The following UBOX5 variants were observed in gnomAD, a reference collection of about 807,000 sequenced individuals.
UBOX5 encodes the protein U-box domain containing 5.
Under a neutral mutation model 39.0 loss-of-function variants are expected in UBOX5, and 28 were observed. The ratio of observed to expected loss-of-function variants is 0.72; its 90% confidence interval spans 0.53 to 0.98. The LOEUF is 0.98. Among genes scored for constraint, UBOX5 ranks in the 50% least tolerant of loss-of-function variants. UBOX5 has a pLI of 0.00. For missense variants in UBOX5, 585 were observed against 674.4 expected (o/e 0.87, Z 1.47); for synonymous variants, 283 against 275.5 (o/e 1.03, Z -0.27).
At chr20:3,153,755 G>A (rs1340905691) in intron 1 of UBOX5, among the ~76,000 whole-genome samples, 1 of 152,156 alleles carries the variant, frequency 6.6e-6, no homozygotes, top group East Asian at 1.9e-4. Flanking sequence ...TGCAAGTTGA[G>A]TATCCCTTGT....
rs189267587 is a variant in UBOX5, at chr20:3,142,683, G to T, written c.-42+17083C>A. On this transcript the variant is annotated intron_variant, in intron 1 of 4. Coordinates refer to ENST00000217173, the MANE Select transcript of UBOX5 (RefSeq NM_014948.4). ...AGCTACTTGGGTGGCTGAGGCACGAGAATCGCTTGTACCTGGGTGGCAGAA... is the reference window on the plus strand; with the variant it reads ...AGCTACTTGGGTGGCTGAGGCACGATAATCGCTTGTACCTGGGTGGCAGAA... Among the ~76,000 whole-genome samples, 49 of 141,720 alleles carry T rather than the reference G, an allele frequency of 3.5e-4. No homozygotes were observed. The Middle Eastern group carries it at 0.026, about 76-fold the overall frequency. The allele number at this position is 141,720 out of a possible 152,430, so 93.0% of individuals were successfully genotyped here.
Position 3,110,233 on chromosome 20 carries a change from T to A in UBOX5, c.1499A>T (p.Tyr500Phe). 1 of 1,614,072 alleles carries A rather than the reference T, an allele frequency of 6.2e-7. No homozygotes were observed. Among genetic ancestry groups the A allele is most frequent in the African/African-American group, 1.3e-5 (1 of 75,060 alleles). ...FSPYFKKEPV[Y>F]QLPCGHLLCR... Reference sequence around the variant, plus strand: ...CAGGAGGTGGCCGCAGGGCAGCTGGTACACCGGCTCCTTTTTGAAGTAGGG... The same window carrying A: ...CAGGAGGTGGCCGCAGGGCAGCTGGAACACCGGCTCCTTTTTGAAGTAGGG... Residue 500 changes from tyrosine to phenylalanine, a missense_variant, in exon 5 of 5, where the codon TAC becomes TTC. Tyr to Phe is a conservative substitution (Grantham distance 22). Transcript: ENST00000217173.
Position 3,121,864 on chromosome 20 carries a change from C to T in UBOX5, c.775G>A (p.Val259Met). 4 of 1,614,070 alleles carry T rather than the reference C, an allele frequency of 2.5e-6. No individual in the cohort carries two copies. The highest frequency in any genetic ancestry group is 3.4e-6 in the Non-Finnish European group (4 of 1,180,024). The change falls in exon 3 of 5, where the codon GTG (valine) becomes ATG (methionine). Residue 259 changes from valine (V) to methionine (M), a missense_variant. Coordinates refer to ENST00000217173, the MANE Select transcript of UBOX5 (RefSeq NM_014948.4). ...ATGGGATCCAGGAACTCCTCAGGCA[C>T]ATCCTGAATGATCTCGGCCAGCTTC... ...LQKLAEIIQD[V>M]PEEFLDPITL...
intron 1 of UBOX5, chr20:3,147,791 C>G (rs2066582404): frequency 6.2e-7 from 1 of 1,614,084 alleles, no homozygotes; most frequent in African/African-American, 1.3e-5. Context: ...AACATCTTTA[C>G]TTCGACAGTG....
At chr20:3,159,435 A>G (rs370611936) in intron 1 of UBOX5, among the ~76,000 whole-genome samples, 4 of 152,252 alleles carry the variant, frequency 2.6e-5, no homozygotes, top group Non-Finnish European at 5.9e-5. Flanking sequence ...AAGTGTGATG[A>G]GAGGCGCGGC....
chr20:3,117,462 T>C (rs774584624), intron 3 of UBOX5, among the ~76,000 whole-genome samples: 9 of 152,102 alleles, frequency 5.9e-5, no homozygotes, highest in Non-Finnish European at 1.2e-4. Flanking sequence ...GGCGGGTGGA[T>C]TGCCTGAGCT....
intron 1 of UBOX5, among the ~76,000 whole-genome samples, chr20:3,130,781 CT>C (rs563038445): frequency 5.8e-3 from 808 of 138,710 alleles, no homozygotes; most frequent in African/African-American, 9.4e-3. Flanking sequence ...GTTGTTTTTG[CT>C]TTTTTTTTTT....
In UBOX5 at chr20:3,122,093, G is replaced by A. The variant is rs750306545; in HGVS notation, c.546C>T (p.Gly182=). 2.9e-5 allele frequency: 47 copies of A among 1,614,118 alleles called. No homozygotes were observed. The highest frequency in any genetic ancestry group is 8.0e-5 in the African/African-American group (6 of 74,942). ...HLRICITHVT[G]GGIPCIKRLE... is the part of the protein sequence containing the mutation. ...ACCGCTTGATACAAGGGATACCGCC[G>A]CCTGTCACATGGGTGATACAGATCC... Residue 182 remains glycine, a synonymous_variant, in exon 3 of 5, where the codon GGC becomes GGT. Coordinates refer to ENST00000217173, the MANE Select transcript of UBOX5 (RefSeq NM_014948.4).
chr20:3,149,005 A>C lies in UBOX5; in HGVS notation c.-42+10761T>G. The C allele has an allele frequency of 6.2e-7, 1 of 1,614,114 alleles. No homozygotes were observed. Among genetic ancestry groups the C allele is most frequent in the Non-Finnish European group, 8.5e-7 (1 of 1,180,014 alleles). On this transcript the variant is annotated intron_variant, in intron 1 of 4. Coordinates refer to ENST00000217173, the MANE Select transcript of UBOX5 (RefSeq NM_014948.4). The surrounding 1 kb of genome is among the most constrained non-coding windows in gnomAD (Gnocchi z 4.1). ...AGTATGACACACTTCGGACTGCACC[A>C]AAGGCAGAAGGACTGCAAAATGCTC...
intron 1 of UBOX5, among the ~76,000 whole-genome samples, chr20:3,142,017 CTTTTCT>C (rs1043733992): frequency 5.4e-5 from 8 of 148,724 alleles, no homozygotes; most frequent in Non-Finnish European, 1.2e-4. Context: ...TTTTTCTTTT[CTTTTCT>C]TTTCTTTTTT....
intron 3 of UBOX5, 149 bp downstream of exon 3, chr20:3,121,235 G>A: frequency 8.4e-7 from 1 of 1,189,672 alleles, no homozygotes; most frequent in Non-Finnish European, 1.2e-6. Context: ...CAAAGCTGAG[G>A]GGCCCCAGGA....
intron 1 of UBOX5, among the ~76,000 whole-genome samples, chr20:3,131,310 C>G (rs1478076144): frequency 6.6e-6 from 1 of 151,236 alleles, no homozygotes; most frequent in Non-Finnish European, 1.5e-5. Context: ...ATAAAGCATT[C>G]TAATTTTCAT....
chr20:3,131,412 C>T (rs930390009), intron 1 of UBOX5, among the ~76,000 whole-genome samples: 1 of 152,090 alleles, frequency 6.6e-6, no homozygotes, highest in African/African-American at 2.4e-5. Context: ...TAATGGGATA[C>T]ATTAACACTT....
chr20:3,158,977 G>A (rs1352255800), intron 1 of UBOX5, among the ~76,000 whole-genome samples: 1 of 152,212 alleles, frequency 6.6e-6, no homozygotes, highest in African/African-American at 2.4e-5. Context: ...TAACGCAGCT[G>A]GCTATCAGCT....
rs1390386252 is a variant in UBOX5, at chr20:3,108,157, G to A, written c.*1949C>T. 6.6e-6 allele frequency: 1 copy of A among 152,384 alleles called. No homozygotes were observed. The highest frequency in any genetic ancestry group is 1.5e-5 in the Non-Finnish European group (1 of 68,202). 9.4% of individuals were successfully genotyped at this position (152,384 alleles called of 1,614,324 possible). ...GAGTCTCACTCCGTCGCCCAGGCTG[G>A]AGTACAGTGGTGAGATCTCGGCTCA... is the stretch of plus-strand genomic sequence containing the variant. On this transcript the variant is annotated 3_prime_UTR_variant, in exon 5 of 5. Transcript: ENST00000217173.
chr20:3,132,540 G>A (rs1228531910), intron 1 of UBOX5, among the ~76,000 whole-genome samples: 3 of 150,958 alleles, frequency 2.0e-5, no homozygotes, highest in Admixed American at 1.3e-4. Flanking sequence ...TGGGTGAAAC[G>A]AGGCGTGATT....
At chr20:3,144,092 A>C (rs1011962852) in intron 1 of UBOX5, among the ~76,000 whole-genome samples, 2 of 152,234 alleles carry the variant, frequency 1.3e-5, no homozygotes, top group African/African-American at 4.8e-5. Context: ...AATACTGTCA[A>C]GATGGCAAAA....
chr20:3,147,701 TCA>T, intron 1 of UBOX5: 1 of 1,614,248 alleles, frequency 6.2e-7, no homozygotes, highest in Non-Finnish European at 8.5e-7. Flanking sequence ...TCTGTGAATC[TCA>T]CTTATCAGGC....
At chr20:3,141,881 T>C (rs1016156222) in intron 1 of UBOX5, among the ~76,000 whole-genome samples, 10 of 152,010 alleles carry the variant, frequency 6.6e-5, no homozygotes, top group African/African-American at 1.9e-4. Context: ...TGTCGTAGTG[T>C]GCCCACAGGT....
Sources: allele counts gnomAD v4.1 joint callset (sites outside exome capture counted in the v4.1 genomes callset), GRCh38; gene constraint gnomAD v4.1.1; non-coding constraint Gnocchi (gnomAD v3.1); transcripts MANE v1.5; gene names NCBI Gene and HGNC (gene_info 2026-07-23, HGNC 2026-07-21).